LRRC37A2: variants seen among roughly 807,000 people sequenced by gnomAD.
The protein encoded by LRRC37A2 is leucine-rich repeat-containing protein 37A2.
Under a neutral mutation model 68.8 loss-of-function variants are expected in LRRC37A2, and 9 were observed. That is an observed-to-expected ratio of 0.13 (90% CI 0.08 to 0.23). LRRC37A2 has a LOEUF of 0.23. LRRC37A2 is among the 10% of genes least tolerant of loss of function. LRRC37A2 has a pLI of 1.00. For missense variants in LRRC37A2, 168 were observed against 950.4 expected, an observed-to-expected ratio of 0.18 and a Z score of 10.82; for synonymous variants, 63 against 367.6, an observed-to-expected ratio of 0.17 and a Z score of 9.48.
chr17:46,779,099 ACACAC>A, the LRRC37A2 span, among the ~76,000 whole-genome samples: 1 of 128,566 alleles, frequency 7.8e-6, no homozygotes, highest in African/African-American at 2.7e-5. Flanking sequence ...ACACACACAC[ACACAC>A]CCCAGCCCAC....
At chr17:46,499,154 A>G in the LRRC37A2 span, among the ~76,000 whole-genome samples, 26 of 144,624 alleles carry the variant, frequency 1.8e-4, no homozygotes, top group Middle Eastern at 3.5e-3. Context: ...GTCTCTACTA[A>G]AAATATAAAA....
chr17:46,875,567 G>T, the LRRC37A2 span, among the ~76,000 whole-genome samples: 1 of 152,216 alleles, frequency 6.6e-6, no homozygotes, highest in Non-Finnish European at 1.5e-5. Flanking sequence ...GGAACACAGC[G>T]GAAGCATGGA....
the LRRC37A2 span, among the ~76,000 whole-genome samples, chr17:46,891,918 C>CTTTTTTTTTTT: frequency 5.3e-4 from 38 of 71,804 alleles, no homozygotes; most frequent in Non-Finnish European, 7.0e-4. Flanking sequence ...CTTTTCTTTT[C>CTTTTTTTTTTT]TTTTTTTTTT....
the LRRC37A2 span, among the ~76,000 whole-genome samples, chr17:46,907,137 G>C: frequency 1.4e-3 from 213 of 152,294 alleles, no homozygotes; most frequent in African/African-American, 4.8e-3. Context: ...ATGAAGGGAA[G>C]AGGGGCTTAG....
At chr17:46,790,241 T>G in the LRRC37A2 span, among the ~76,000 whole-genome samples, 8 of 152,120 alleles carry the variant, frequency 5.3e-5, no homozygotes, top group Non-Finnish European at 1.2e-4. Context: ...AAACATGCAC[T>G]CAGCACCTGT....
chr17:46,782,248 G>A, the LRRC37A2 span, among the ~76,000 whole-genome samples: 1 of 152,246 alleles, frequency 6.6e-6, no homozygotes, highest in Non-Finnish European at 1.5e-5. Flanking sequence ...CTGATCTGAA[G>A]ATCTAGTGTC....
the LRRC37A2 span, among the ~76,000 whole-genome samples, chr17:46,914,983 T>C: frequency 6.6e-6 from 1 of 152,354 alleles, no homozygotes; most frequent in East Asian, 1.9e-4. Context: ...ATAAGCCCTG[T>C]ACCCTCTCAT....
chr17:46,876,867 A>G, the LRRC37A2 span: 2 of 1,398,918 alleles, frequency 1.4e-6, no homozygotes, highest in African/African-American at 1.4e-5. Flanking sequence ...ACTCACCACC[A>G]TTCCTTGGCC....
At chr17:46,769,573 G>A in the LRRC37A2 span, among the ~76,000 whole-genome samples, 1 of 152,160 alleles carries the variant, frequency 6.6e-6, no homozygotes, top group Non-Finnish European at 1.5e-5. Flanking sequence ...CTCATCCCGG[G>A]TGGGGTGGAG....
At chr17:46,970,165 C>T in the LRRC37A2 span, among the ~76,000 whole-genome samples, 3 of 152,192 alleles carry the variant, frequency 2.0e-5, no homozygotes, top group South Asian at 2.1e-4. Context: ...TTCCATCCCA[C>T]GGCTGTCCTG....
At chr17:46,798,415 T>C in the LRRC37A2 span, among the ~76,000 whole-genome samples, 6 of 152,164 alleles carry the variant, frequency 3.9e-5, no homozygotes, top group African/African-American at 1.4e-4. Flanking sequence ...ATATATATGA[T>C]TGTTCTCTTG....
the LRRC37A2 span, among the ~76,000 whole-genome samples, chr17:47,006,828 A>G: frequency 6.6e-6 from 1 of 152,266 alleles, no homozygotes; most frequent in Non-Finnish European, 1.5e-5. Flanking sequence ...GAAAGTACAC[A>G]GAAGCTGTGG....
chr17:46,923,086 C>G, the LRRC37A2 span: 1 of 791,470 alleles, frequency 1.3e-6, no homozygotes, highest in African/African-American at 1.7e-5. Context: ...CCCTGGCCGG[C>G]AGGGGAGGGA....
At chr17:46,917,847 C>A in the LRRC37A2 span, among the ~76,000 whole-genome samples, 1 of 152,172 alleles carries the variant, frequency 6.6e-6, no homozygotes, top group East Asian at 1.9e-4. Context: ...TGTTGTTCCC[C>A]TTTTCTCATG....
chr17:47,024,439 C>A, the LRRC37A2 span, among the ~76,000 whole-genome samples: 7 of 151,894 alleles, frequency 4.6e-5, no homozygotes, highest in Admixed American at 4.6e-4. Flanking sequence ...TGAAATAATA[C>A]AATTTGGTGG....
At chr17:46,891,964 G>T in the LRRC37A2 span, among the ~76,000 whole-genome samples, 1 of 131,762 alleles carries the variant, frequency 7.6e-6, no homozygotes, top group Non-Finnish European at 1.5e-5. Context: ...CTGTCACCCA[G>T]CCTGGAGTGC....
chr17:46,833,374 C>T, the LRRC37A2 span: 1 of 518,604 alleles, frequency 1.9e-6, no homozygotes, highest in Non-Finnish European at 3.8e-6. Context: ...TCTTTTGATC[C>T]TCTGGCATGC....
chr17:46,747,486 C>T, the LRRC37A2 span, among the ~76,000 whole-genome samples: 1 of 152,034 alleles, frequency 6.6e-6, no homozygotes, highest in Non-Finnish European at 1.5e-5. Context: ...CGCCATGTTA[C>T]CTAGACAAGT....
At chr17:46,769,107 AG>A in the LRRC37A2 span, among the ~76,000 whole-genome samples, 1 of 152,206 alleles carries the variant, frequency 6.6e-6, no homozygotes, top group Non-Finnish European at 1.5e-5. Flanking sequence ...ACCTGAAGTC[AG>A]GAGTTTGAGA....
Sources: allele counts gnomAD v4.1 joint callset (sites outside exome capture counted in the v4.1 genomes callset), GRCh38; gene constraint gnomAD v4.1.1; transcripts MANE v1.5; gene names NCBI Gene and HGNC (gene_info 2026-07-23, HGNC 2026-07-21).